The following TRIM5 variants were observed in gnomAD, a reference collection of about 807,000 sequenced individuals.
The protein encoded by TRIM5 is tripartite motif containing 5.
A neutral mutation model predicts 35.6 loss-of-function variants in TRIM5; 31 were observed. That is an observed-to-expected ratio of 0.87 (90% CI 0.65 to 1.18). The LOEUF (loss-of-function observed/expected upper bound fraction) is 1.18, where lower values mean the gene tolerates loss of function less well. Ranked by LOEUF, TRIM5 falls within the 50% of genes most tolerant of loss-of-function variation. The probability of loss-of-function intolerance (pLI) is 0.00; values close to 1 mark genes in which losing one functional copy is unlikely to be tolerated. For synonymous variants in TRIM5, 243 were observed against 215.6 expected, an observed-to-expected ratio of 1.13 and a Z score of -1.11; for missense variants, 609 against 591.6, an observed-to-expected ratio of 1.03 and a Z score of -0.31.
chr11:5,657,674 TAA>T, the TRIM5 span, among the ~76,000 whole-genome samples: 2,448 of 91,796 alleles, frequency 0.027, 35 homozygotes, highest in African/African-American at 0.037. Context: ...ATTTATAATA[TAA>T]TATATATATA....
intron 4 of TRIM5, among the ~76,000 whole-genome samples, chr11:5,670,472 A>T (rs1298196017): frequency 6.6e-6 from 1 of 152,114 alleles, no homozygotes; most frequent in African/African-American, 2.4e-5. Context: ...CCCAGCCCAG[A>T]TGCCCATCTT....
chr11:5,627,755 G>A, the TRIM5 span, among the ~76,000 whole-genome samples: 1 of 152,182 alleles, frequency 6.6e-6, no homozygotes, highest in Non-Finnish European at 1.5e-5. Flanking sequence ...GTCTCTGGAT[G>A]TCAAAACAGG....
the TRIM5 span, among the ~76,000 whole-genome samples, chr11:5,627,941 T>G: frequency 6.6e-6 from 1 of 152,040 alleles, no homozygotes; most frequent in Non-Finnish European, 1.5e-5. Context: ...ATGTTAGGAG[T>G]CCAGATGTTA....
chr11:5,658,421 T>C (rs574690548), downstream of TRIM5, among the ~76,000 whole-genome samples: 1 of 152,274 alleles, frequency 6.6e-6, no homozygotes, highest in South Asian at 2.1e-4. Flanking sequence ...CAAGCCCACG[T>C]GTGATCCAAT....
At chr11:5,636,901 C>G in the TRIM5 span, among the ~76,000 whole-genome samples, 2 of 152,306 alleles carry the variant, frequency 1.3e-5, no homozygotes, top group Admixed American at 6.5e-5. Flanking sequence ...AATCCCAGCA[C>G]TTTGGGAGGC....
At chr11:5,617,158 G>T in the TRIM5 span, among the ~76,000 whole-genome samples, 1 of 143,294 alleles carries the variant, frequency 7.0e-6, no homozygotes, top group South Asian at 2.3e-4. Flanking sequence ...AGTATTTGAA[G>T]GGCAAATAAT....
At chr11:5,643,752 C>A in the TRIM5 span, 10 of 1,530,120 alleles carry the variant, frequency 6.5e-6, no homozygotes, top group Non-Finnish European at 8.7e-6. Context: ...CTTGACTTAT[C>A]TCCTGCAACT....
chr11:5,605,679 C>A, the TRIM5 span: 1 of 1,314,734 alleles, frequency 7.6e-7, no homozygotes, highest in Non-Finnish European at 1.0e-6. Flanking sequence ...GAAAACATTC[C>A]TTTGGCGCTA....
At chr11:5,634,915 C>G in the TRIM5 span, 2 of 1,566,130 alleles carry the variant, frequency 1.3e-6, no homozygotes, top group Non-Finnish European at 1.7e-6. Flanking sequence ...CTCCTGTGTC[C>G]TTGCGTTCTC....
the TRIM5 span, chr11:5,605,678 C>A: frequency 1.5e-6 from 2 of 1,316,120 alleles, no homozygotes; most frequent in African/African-American, 1.5e-5. Context: ...AGAAAACATT[C>A]CTTTGGCGCT....
chr11:5,610,339 T>C, the TRIM5 span: 6 of 1,588,414 alleles, frequency 3.8e-6, no homozygotes, highest in Non-Finnish European at 5.2e-6. Context: ...TTGAGCATAG[T>C]GGCAAAGAGG....
At chr11:5,596,707 T>C in the TRIM5 span, 2 of 822,236 alleles carry the variant, frequency 2.4e-6, no homozygotes, top group East Asian at 2.7e-5. Context: ...GGCCAAAGGC[T>C]GGCGGAGGAG....
At chr11:5,661,003 C>T (rs1443625525), downstream of TRIM5, among the ~76,000 whole-genome samples, 21 of 115,414 alleles carry the variant, frequency 1.8e-4, no homozygotes, top group African/African-American at 6.8e-4. Flanking sequence ...AATCGCGCCA[C>T]TGCACTCCAG....
chr11:5,682,301 T>A (rs1014349618), intron 1 of TRIM5, among the ~76,000 whole-genome samples: 1 of 152,056 alleles, frequency 6.6e-6, no homozygotes, highest in Non-Finnish European at 1.5e-5. Context: ...TACTTGGGTA[T>A]TCTTTCCACA....
intron 4 of TRIM5, among the ~76,000 whole-genome samples, chr11:5,673,428 A>G (rs1173242486): frequency 6.6e-6 from 1 of 152,154 alleles, no homozygotes; most frequent in Admixed American, 6.5e-5. Flanking sequence ...AAAATACTGA[A>G]AACAATACAT....
chr11:5,673,692 A>G (rs575923554), intron 4 of TRIM5, among the ~76,000 whole-genome samples: 38 of 152,290 alleles, frequency 2.5e-4, no homozygotes, highest in Non-Finnish European at 1.0e-4. Flanking sequence ...ATAAGTTTCA[A>G]TACATTAACA....
the TRIM5 span, among the ~76,000 whole-genome samples, chr11:5,616,692 A>G: frequency 7.0e-6 from 1 of 143,704 alleles, no homozygotes; most frequent in Non-Finnish European, 1.5e-5. Flanking sequence ...GTGAAGGGCT[A>G]GTTCTCAGGT....
chr11:5,615,325 TGA>T, the TRIM5 span, among the ~76,000 whole-genome samples: 2 of 152,218 alleles, frequency 1.3e-5, no homozygotes, highest in Non-Finnish European at 2.9e-5. Context: ...TGCTTTTCTA[TGA>T]GAGAGGGGTG....
chr11:5,678,310 CT>C lies in TRIM5; in HGVS notation c.637del (p.Ser213AlafsTer16), dbSNP rs776036411. 3.1e-6 allele frequency: 5 copies of C among 1,614,048 alleles called. No homozygotes were observed. The African/African-American group carries it at 6.7e-5, about 22-fold the overall frequency. ...LEKEEEDILK[S>X]LTNSETEMVQ... ...CATCTCAGTTTCAGAGTTCGTAAGG[CT>C]TTTCAGAATGTCTTCCTCCTCCTTC... On this transcript the variant is annotated frameshift_variant, in exon 4 of 8. Coordinates refer to ENST00000380034, the MANE Select transcript of TRIM5 (RefSeq NM_033034.3). LOFTEE classifies it high-confidence loss of function.
Sources: gnomAD v4.1 joint callset for allele counts (sites outside exome capture counted in the v4.1 genomes callset) on GRCh38, gnomAD v4.1.1 for gene constraint, MANE v1.5 for transcripts, NCBI Gene and HGNC (gene_info 2026-07-23, HGNC 2026-07-21) for gene names.